The following SI variants were observed in gnomAD, a reference collection of about 807,000 sequenced individuals.
SI encodes sucrase-isomaltase, also known as sucrase-isomaltase, intestinal.
In SI, 235 loss-of-function variants were observed where a neutral mutation model predicts 253.3. The ratio of observed to expected loss-of-function variants is 0.93; its 90% confidence interval spans 0.83 to 1.03. The LOEUF is 1.03. Among genes scored for constraint, SI ranks in the 50% least tolerant of loss-of-function variants. The probability of loss-of-function intolerance (pLI) is 0.00; values close to 1 mark genes in which losing one functional copy is unlikely to be tolerated. For missense variants in SI, 2,442 were observed against 2,211.1 expected, an observed-to-expected ratio of 1.10 and a Z score of -2.09; for synonymous variants, 819 against 712.0, an observed-to-expected ratio of 1.15 and a Z score of -2.39.
Position 164,991,375 on chromosome 3 carries a change from G to T in SI, c.5086C>A (p.Pro1696Thr), listed in dbSNP as rs774867899. 6.2e-7 allele frequency: 1 copy of T among 1,613,674 alleles called. No individual in the cohort carries two copies. Among genetic ancestry groups the T allele is most frequent in the East Asian group, 2.2e-5 (1 of 44,840 alleles). The change falls in exon 44 of 48, where the codon CCA (proline) becomes ACA (threonine). Residue 1696 changes from proline to threonine, a missense_variant. Coordinates refer to ENST00000264382, the MANE Select transcript of SI (RefSeq NM_001041.4). ...TACCTGTAAAATGTGTTTTGAGCTG[G>T]CTCTTGACATGGTAGGATGTGACCA... ...RGGHILPCQE[P>T]AQNTFYSRQK...
chr3:165,064,514 T>C (rs1714132762), intron 7 of SI, among the ~76,000 whole-genome samples: 1 of 152,116 alleles, frequency 6.6e-6, no homozygotes, highest in South Asian at 2.1e-4. Flanking sequence ...TAAAAAGAAG[T>C]AACTGACAAA....
intron 3 of SI, among the ~76,000 whole-genome samples, chr3:165,070,345 C>CATATATAT (rs72166578): frequency 2.2e-5 from 3 of 139,488 alleles, no homozygotes; most frequent in African/African-American, 8.0e-5. Context: ...CTCTAAACAC[C>CATATATAT]ATATATATAT....
Position 164,982,330 on chromosome 3 carries a change from C to T in SI, c.5328G>A (p.Gly1776=), listed in dbSNP as rs1020747413. Residue 1776 remains glycine, a synonymous_variant, in exon 47 of 48, where the codon GGG becomes GGA. Coordinates refer to ENST00000264382, the MANE Select transcript of SI (RefSeq NM_001041.4). ...CTGCATTGACAGGAGTAGTTCCTTTCCCCCATACATGAAGGGATCCAAGCC... is the reference window on the plus strand; with the variant it reads ...CTGCATTGACAGGAGTAGTTCCTTTTCCCCATACATGAAGGGATCCAAGCC... ...ETRLGSLHVW[G]KGTTPVNAVT... is the part of the protein sequence containing the mutation. The T allele has an allele frequency of 6.2e-7, 1 of 1,612,454 alleles. No individual in the cohort carries two copies. The highest frequency in any genetic ancestry group is 1.3e-5 in the African/African-American group (1 of 74,956).
chr3:165,037,129 T>C (rs900569389), intron 21 of SI, among the ~76,000 whole-genome samples: 1 of 151,946 alleles, frequency 6.6e-6, no homozygotes, highest in Non-Finnish European at 1.5e-5. Flanking sequence ...TACATTGTGA[T>C]ACTAGTCCAT....
intron 12 of SI, 54 bp downstream of exon 12, chr3:165,058,909 T>C: frequency 7.0e-7 from 1 of 1,421,938 alleles, no homozygotes; most frequent in Non-Finnish European, 9.8e-7. Flanking sequence ...GAAACTTTAT[T>C]ATTTCAGAGA....
intron 3 of SI, 91 bp from the exon 4 acceptor site, chr3:165,069,286 A>C: frequency 1.1e-6 from 1 of 916,046 alleles, no homozygotes; most frequent in Non-Finnish European, 1.8e-6. Context: ...ATTTTAAAAT[A>C]ATCTAACTTT....
chr3:165,050,706 C>G (rs1713382379), intron 13 of SI, among the ~76,000 whole-genome samples: 2 of 152,072 alleles, frequency 1.3e-5, no homozygotes, highest in South Asian at 4.1e-4. Context: ...CTATAATAGT[C>G]TCCTTTCACA....
In SI at chr3:165,075,951, G is replaced by A; in HGVS notation, c.62C>T (p.Thr21Ile). 4 of 1,599,424 alleles carry A rather than the reference G, an allele frequency of 2.5e-6. No individual in the cohort carries two copies. The highest frequency in any genetic ancestry group is 3.4e-6 in the Non-Finnish European group (4 of 1,169,562). ...ISLIVLFVIV[T>I]IIAIALIVVL... Reference sequence around the variant, plus strand: ...AACAATTAAGGCAATAGCTATTATAGTAACTATGACAAAAAGGACAATCAG... The same window carrying A: ...AACAATTAAGGCAATAGCTATTATAATAACTATGACAAAAAGGACAATCAG... The change falls in exon 2 of 48, where the codon ACT becomes ATT. Residue 21 changes from threonine (T) to isoleucine (I), a missense_variant. Transcript: ENST00000264382.
chr3:164,989,396 GAAAGAAAGA>G, intron 44 of SI, among the ~76,000 whole-genome samples: 1 of 132,574 alleles, frequency 7.5e-6, no homozygotes. Flanking sequence ...AAGGAAGAAA[GAAAGAAAGA>G]AAGAAAGAAA....
At position 164,987,027 on chromosome 3, in the gene SI, A is replaced by G. The variant is rs564160424; in HGVS notation, c.5197+111T>C. On this transcript the variant is annotated intron_variant, in intron 45 of 47. Transcript: ENST00000264382. ...ATTTAGTAAAATCTTTTAGCCTTGAATAATATTAATAGCTTTGTACTCAGC... is the reference window on the plus strand; with the variant it reads ...ATTTAGTAAAATCTTTTAGCCTTGAGTAATATTAATAGCTTTGTACTCAGC... 97 of 858,540 alleles carry G rather than the reference A, an allele frequency of 1.1e-4. No homozygotes were observed. The Middle Eastern group carries it at 1.6e-3, about 14-fold the overall frequency. The allele number at this position is 858,540 out of a possible 1,614,324, so 53.2% of individuals were successfully genotyped here. A position where few individuals can be genotyped will look rare whatever the true frequency, so the allele number is the denominator to read the frequency against.
At chr3:165,051,159 C>A (rs1713409447) in intron 13 of SI, among the ~76,000 whole-genome samples, 1 of 151,916 alleles carries the variant, frequency 6.6e-6, no homozygotes, top group South Asian at 2.1e-4. Context: ...GTTCCTCTGA[C>A]CCAAGCACAC....
rs1717077014 is a variant in SI at position 164,979,514 on chromosome 3, T to C, written c.5416-84A>G. The C allele has an allele frequency of 5.3e-6, 4 of 759,698 alleles. No individual in the cohort carries two copies. The East Asian group carries it at 1.1e-4, about 20-fold the overall frequency. 47.1% of individuals were successfully genotyped at this position (759,698 alleles called of 1,614,324 possible). ...TGAATGCTATTTCAAAAAAGTTTTC[T>C]AATAAATAGTATATACCTTTATTTT... is the stretch of plus-strand genomic sequence containing the variant. On this transcript the variant is annotated intron_variant, in intron 47 of 47. Transcript: ENST00000264382.
intron 37 of SI, among the ~76,000 whole-genome samples, chr3:165,002,265 C>G (rs543706930): frequency 6.6e-6 from 1 of 151,678 alleles, no homozygotes; most frequent in African/African-American, 2.4e-5. Context: ...TTCAATACAA[C>G]ATTGAATTTC....
At chr3:165,043,306 T>G in intron 16 of SI, 131 bp from the exon 17 acceptor site, 1 of 629,580 alleles carries the variant, frequency 1.6e-6, no homozygotes, top group South Asian at 2.0e-5. Context: ...ATATGCTTCC[T>G]TAAACCAATT....
intron 23 of SI, among the ~76,000 whole-genome samples, chr3:165,032,948 T>A (rs536963770): frequency 2.4e-4 from 36 of 151,504 alleles, no homozygotes; most frequent in African/African-American, 8.0e-4. Context: ...AGTCCTAACA[T>A]TGATGAAGAA....
chr3:165,023,534 T>C lies in SI; in HGVS notation c.3099+36A>G, dbSNP rs370312712. ...TTATTCAAAATCTCATCTCACAAGA[T>C]GAGTTAAGCTTTGGGGTAGTTTATA... On this transcript the variant is annotated intron_variant, in intron 26 of 47. Coordinates refer to ENST00000264382, the MANE Select transcript of SI (RefSeq NM_001041.4). 10 of 1,366,474 alleles carry C rather than the reference T, an allele frequency of 7.3e-6. No individual in the cohort carries two copies. The African/African-American group carries it at 1.0e-4, about 14-fold the overall frequency. The allele number at this position is 1,366,474 out of a possible 1,614,324, so 84.6% of individuals were successfully genotyped here. A position where few individuals can be genotyped will look rare whatever the true frequency, so the allele number is the denominator to read the frequency against.
intron 28 of SI, among the ~76,000 whole-genome samples, chr3:165,018,925 T>C (rs1434898034): frequency 6.6e-6 from 1 of 151,768 alleles, no homozygotes; most frequent in Non-Finnish European, 1.5e-5. Context: ...TTACAATAGT[T>C]CACAGACTTA....
Position 164,982,239 on chromosome 3 carries a change from T to A in SI, c.5415+4A>T. The A allele has an allele frequency of 6.2e-7, 1 of 1,609,578 alleles. No homozygotes were observed. Among genetic ancestry groups the A allele is most frequent in the Non-Finnish European group, 8.5e-7 (1 of 1,176,580 alleles). On this transcript the variant is annotated splice_donor_region_variant and intron_variant, in intron 47 of 47. Transcript: ENST00000264382. Reference sequence around the variant, plus strand: ...TTTGAAAAATATTTTCTTACATTACTTACCATGTTGGTAGTGTCTTCATTA... The same window carrying A: ...TTTGAAAAATATTTTCTTACATTACATACCATGTTGGTAGTGTCTTCATTA...
chr3:165,035,172 CAAAT>C (rs1341596852), intron 22 of SI, among the ~76,000 whole-genome samples: 2 of 151,640 alleles, frequency 1.3e-5, no homozygotes, highest in Non-Finnish European at 2.9e-5. Context: ...ATTAGACAAA[CAAAT>C]AGAGAAGTAC....
Sources: allele counts gnomAD v4.1 joint callset (sites outside exome capture counted in the v4.1 genomes callset), GRCh38; gene constraint gnomAD v4.1.1; transcripts MANE v1.5; gene names NCBI Gene and HGNC (gene_info 2026-07-23, HGNC 2026-07-21).